Variants in DDX6 observed in about 807,000 individuals in gnomAD.
DDX6 encodes DEAD-box helicase 6, also known as probable ATP-dependent RNA helicase DDX6.
DDX6 carries 7 observed loss-of-function variants against 60.6 expected under a neutral mutation model. The observed-to-expected ratio is 0.12, with a 90% confidence interval of 0.07 to 0.22. The LOEUF is 0.22. DDX6 is among the 10% of genes least tolerant of loss of function. The pLI is 1.00. For synonymous variants in DDX6, 207 were observed against 201.0 expected, an observed-to-expected ratio of 1.03 and a Z score of -0.25; for missense variants, 270 against 589.9, an observed-to-expected ratio of 0.46 and a Z score of 5.62.
intron 4 of DDX6, among the ~76,000 whole-genome samples, chr11:118,776,070 G>A (rs1861690092): frequency 6.6e-6 from 1 of 152,194 alleles, no homozygotes; most frequent in Admixed American, 6.5e-5. Context: ...CGTGAGCCCA[G>A]GAGTTTGAGG....
At chr11:118,761,095 C>G (rs760969155) in intron 7 of DDX6, among the ~76,000 whole-genome samples, 1 of 151,930 alleles carries the variant, frequency 6.6e-6, no homozygotes, top group Non-Finnish European at 1.5e-5. Flanking sequence ...GAGCTGAGAT[C>G]GCACCACTGC....
At chr11:118,791,324 G>A (rs964272050), upstream of DDX6, 1 of 152,104 alleles carries the variant, frequency 6.6e-6, no homozygotes, top group Non-Finnish European at 1.5e-5. Flanking sequence ...CTGGCCTGGT[G>A]GTGAGAGGAA....
At chr11:118,757,664 C>T (rs74676029) in intron 9 of DDX6, among the ~76,000 whole-genome samples, 25,960 of 151,886 alleles carry the variant, frequency 0.17, 2,462 homozygotes, top group South Asian at 0.29. Context: ...AATCTCAGCT[C>T]ACTGCAACAG....
intron 4 of DDX6, 63 bp from the exon 5 acceptor site, chr11:118,768,415 G>A: frequency 1.3e-6 from 2 of 1,550,932 alleles, no homozygotes; most frequent in Non-Finnish European, 1.8e-6. Flanking sequence ...ATTCCTCTCT[G>A]AAATACACTG....
chr11:118,765,648 A>T (rs374370864), intron 5 of DDX6, among the ~76,000 whole-genome samples: 1 of 152,002 alleles, frequency 6.6e-6, no homozygotes, highest in Non-Finnish European at 1.5e-5. Context: ...GGTGGCACGC[A>T]CCTGTAGTCC....
At chr11:118,785,935 TC>T (rs1470360488) in intron 2 of DDX6, 116 bp downstream of exon 2, 2 of 907,966 alleles carry the variant, frequency 2.2e-6, no homozygotes, top group Admixed American at 3.0e-5. Flanking sequence ...AAGTCATCTG[TC>T]CTCTATTTGG....
At chr11:118,764,157 A>T (rs1454909480) in intron 6 of DDX6, among the ~76,000 whole-genome samples, 1 of 152,134 alleles carries the variant, frequency 6.6e-6, no homozygotes, top group Non-Finnish European at 1.5e-5. Context: ...CAAACAAGAT[A>T]ATTTTTTAAA....
chr11:118,768,149 G>C (rs1861417719), intron 5 of DDX6, 74 bp downstream of exon 5: 1 of 1,338,178 alleles, frequency 7.5e-7, no homozygotes, highest in African/African-American at 1.5e-5. Context: ...ACTAAAAAAA[G>C]AGTATCTTCT....
intron 2 of DDX6, 65 bp from the exon 3 acceptor site, chr11:118,781,249 T>G: frequency 5.0e-6 from 5 of 995,034 alleles, no homozygotes; most frequent in Non-Finnish European, 7.7e-6. Flanking sequence ...ATGATTCATC[T>G]CAATTATAAT....
At chr11:118,763,820 TA>T (rs1555160790) in intron 6 of DDX6, among the ~76,000 whole-genome samples, 1 of 128,326 alleles carries the variant, frequency 7.8e-6, no homozygotes, top group African/African-American at 3.0e-5. Flanking sequence ...AGCAACAGAG[TA>T]AGACTGTGTC....
rs549931056 is a variant in DDX6 at position 118,756,025 on chromosome 11, C to T, written c.1174+235G>A. 8.3e-5 allele frequency among the ~76,000 whole-genome samples: 11 copies of T among 133,040 alleles called. No homozygotes were observed. The East Asian group carries it at 1.2e-3, about 15-fold the overall frequency. 87.3% of individuals were successfully genotyped at this position (133,040 alleles called of 152,430 possible). A position where few individuals can be genotyped will look rare whatever the true frequency, so the allele number is the denominator to read the frequency against. The stretch of plus-strand genomic sequence containing the variant: ...AAAGATTCCATCCCCCTCCCCCCCC[C>T]CCCCAAAAAAAAGACAGAGATGAGG... On this transcript the variant is annotated intron_variant, in intron 11 of 13. Coordinates refer to ENST00000534980, the MANE Select transcript of DDX6 (RefSeq NM_004397.6).
rs537216380 is a variant in DDX6 at position 118,790,652 on chromosome 11, G to C, written c.-268+446C>G. Among the ~76,000 whole-genome samples the C allele has an allele frequency of 5.3e-5, 8 of 152,158 alleles. No homozygotes were observed. The East Asian group carries it at 1.6e-3, about 29-fold the overall frequency. Reference sequence around the variant, plus strand: ...TCGATAAAGCTACTCCGAGTACTTAGCCTGTTCCTCCTGCCGACCCTGCTG... The same window carrying C: ...TCGATAAAGCTACTCCGAGTACTTACCCTGTTCCTCCTGCCGACCCTGCTG... On this transcript the variant is annotated intron_variant, in intron 1 of 13. Transcript: ENST00000534980.
chr11:118,790,843 C>G (rs1314708313), intron 1 of DDX6: 1 of 153,004 alleles, frequency 6.5e-6, no homozygotes, highest in East Asian at 1.9e-4. Flanking sequence ...GACCTCGACC[C>G]CACCACCTCA....
intron 7 of DDX6, among the ~76,000 whole-genome samples, chr11:118,761,501 A>T (rs1413078986): frequency 7.3e-4 from 2 of 2,754 alleles, no homozygotes; most frequent in African/African-American, 3.8e-3. Context: ...CTGTAATCCC[A>T]GCTACTCGGG....
In DDX6 at chr11:118,748,605, A is replaced by AT. The variant is rs1346263202; in HGVS notation, c.*3499dup. On this transcript the variant is annotated 3_prime_UTR_variant, in exon 14 of 14. Transcript: ENST00000534980. ...GGCTTAATTTCCAAGAACTTATTTC[A>AT]TTTTTTTGTTACTCATCTAGAAGGT... 24 of 152,114 alleles carry AT rather than the reference A, an allele frequency of 1.6e-4. No individual in the cohort carries two copies. Among genetic ancestry groups the AT allele is most frequent in the Admixed American group, 9.8e-4 (15 of 15,262 alleles). The allele number at this position is 152,114 out of a possible 1,614,324, so 9.4% of individuals were successfully genotyped here. A position where few individuals can be genotyped will look rare whatever the true frequency, so the allele number is the denominator to read the frequency against.
chr11:118,789,399 A>T (rs1862191387), intron 1 of DDX6: 1 of 152,106 alleles, frequency 6.6e-6, no homozygotes, highest in Non-Finnish European at 1.5e-5. Flanking sequence ...TTTCTTATAT[A>T]AAATACACTA....
chr11:118,764,323 A>G (rs1861275793), intron 6 of DDX6, among the ~76,000 whole-genome samples: 1 of 152,180 alleles, frequency 6.6e-6, no homozygotes, highest in Admixed American at 6.5e-5. Flanking sequence ...GAAAATGAAT[A>G]CAGGTCAACT....
intron 2 of DDX6, among the ~76,000 whole-genome samples, chr11:118,784,265 A>G (rs948228446): frequency 6.6e-6 from 1 of 152,062 alleles, no homozygotes; most frequent in Non-Finnish European, 1.5e-5. Flanking sequence ...GACCTAACCA[A>G]TTCTGCTGAA....
rs551201488 is a variant in DDX6 at position 118,755,506 on chromosome 11, TA to T, written c.1175-4del. The T allele has an allele frequency of 0.017, 19,618 of 1,160,388 alleles. No individual in the cohort carries two copies. Among genetic ancestry groups the T allele is most frequent in the Non-Finnish European group, 0.018 (15,652 of 847,908 alleles). 71.9% of individuals were successfully genotyped at this position (1,160,388 alleles called of 1,614,324 possible). ...ATCAATACCTCGGGTAAACAGATCT[TA>T]AAAAAAAAAAGATAATTTTCATTTT... On this transcript the variant is annotated splice_region_variant and splice_polypyrimidine_tract_variant and intron_variant, in intron 11 of 13. Transcript: ENST00000534980.
Sources: gnomAD v4.1 joint callset for allele counts (sites outside exome capture counted in the v4.1 genomes callset) on GRCh38, gnomAD v4.1.1 for gene constraint, MANE v1.5 for transcripts, NCBI Gene and HGNC (gene_info 2026-07-23, HGNC 2026-07-21) for gene names.